BRINP1: variants seen among roughly 807,000 people sequenced by gnomAD.
BRINP1 encodes the protein BMP/retinoic acid inducible neural specific 1.
A neutral mutation model predicts 72.9 loss-of-function variants in BRINP1; 17 were observed. The observed-to-expected ratio is 0.23, with a 90% CI of 0.16 to 0.35. The LOEUF is 0.35. Ranked by LOEUF, BRINP1 falls within the 10% of genes least tolerant of loss-of-function variation. The pLI, the probability that BRINP1 is intolerant of heterozygous loss-of-function variation, is 1.00. For missense variants in BRINP1, 850 were observed against 1,001.6 expected (o/e 0.85, Z 2.04); for synonymous variants, 418 against 378.5 (o/e 1.10, Z -1.21).
chr9:119,233,263 T>C (rs2118901021), intron 5 of BRINP1, among the ~76,000 whole-genome samples: 1 of 152,228 alleles, frequency 6.6e-6, no homozygotes, highest in African/African-American at 2.4e-5. Flanking sequence ...TTCAGCCACT[T>C]ATTAAATAAC....
At chr9:119,246,944 A>G (rs1156593194) in intron 3 of BRINP1, among the ~76,000 whole-genome samples, 1 of 152,180 alleles carries the variant, frequency 6.6e-6, no homozygotes, top group East Asian at 1.9e-4. Context: ...ATATTTTAAA[A>G]TGTTGTGTTG....
intron 2 of BRINP1, among the ~76,000 whole-genome samples, chr9:119,281,771 G>C (rs539195653): frequency 6.6e-6 from 1 of 152,118 alleles, no homozygotes; most frequent in Non-Finnish European, 1.5e-5. Flanking sequence ...TATGCAACTT[G>C]CTTTATTTTT....
At chr9:119,233,982 TTTC>T (rs1356401132) in intron 5 of BRINP1, among the ~76,000 whole-genome samples, 9 of 152,228 alleles carry the variant, frequency 5.9e-5, no homozygotes, top group African/African-American at 2.2e-4. Flanking sequence ...TGGTTTATTC[TTTC>T]TTATTTCTGT....
intron 1 of BRINP1, among the ~76,000 whole-genome samples, chr9:119,337,001 C>T (rs1831352541): frequency 6.6e-6 from 1 of 151,966 alleles, no homozygotes. Flanking sequence ...GGAGAAGGGG[C>T]CAACCTCTTC....
At chr9:119,209,576 A>T (rs544122203) in intron 6 of BRINP1, among the ~76,000 whole-genome samples, 12 of 124,602 alleles carry the variant, frequency 9.6e-5, no homozygotes, top group South Asian at 2.3e-4. Context: ...CAAAAAAATT[A>T]AAAAAAAAAG....
intron 2 of BRINP1, among the ~76,000 whole-genome samples, chr9:119,262,582 G>T (rs1420260939): frequency 6.6e-6 from 1 of 150,750 alleles, no homozygotes; most frequent in Non-Finnish European, 1.5e-5. Context: ...GGAGGCAGAG[G>T]TTGCAGTGAG....
At chr9:119,190,255 G>GGA (rs1310797615) in intron 7 of BRINP1, among the ~76,000 whole-genome samples, 3 of 151,258 alleles carry the variant, frequency 2.0e-5, no homozygotes, top group Non-Finnish European at 4.4e-5. Context: ...TAAAAGAAGA[G>GGA]GAAACTAAAC....
intron 7 of BRINP1, among the ~76,000 whole-genome samples, chr9:119,204,477 C>T (rs548784758): frequency 6.6e-6 from 1 of 152,168 alleles, no homozygotes; most frequent in South Asian, 2.1e-4. Context: ...CATTTATTGA[C>T]CTTGTGTACA....
chr9:119,321,364 T>C (rs1277305778), intron 1 of BRINP1, among the ~76,000 whole-genome samples: 1 of 152,244 alleles, frequency 6.6e-6, no homozygotes, highest in African/African-American at 2.4e-5. Flanking sequence ...TGGAAGCCCC[T>C]GGTCACATGT....
intron 7 of BRINP1, among the ~76,000 whole-genome samples, chr9:119,199,449 G>A: frequency 6.6e-6 from 1 of 152,176 alleles, no homozygotes; most frequent in East Asian, 1.9e-4. Context: ...TACGGCCCCA[G>A]CATCTGAGCC....
At chr9:119,271,245 T>C (rs1830602191) in intron 2 of BRINP1, among the ~76,000 whole-genome samples, 1 of 149,560 alleles carries the variant, frequency 6.7e-6, no homozygotes, top group South Asian at 2.1e-4. Context: ...TCAAGATGAG[T>C]ACAGGGGGAA....
At position 119,167,488 on chromosome 9, in the gene BRINP1, G is replaced by C; in HGVS notation, c.1882C>G (p.Leu628Val). 1 of 1,614,146 alleles carries C rather than the reference G, an allele frequency of 6.2e-7. No individual in the cohort carries two copies. The highest frequency in any genetic ancestry group is 1.1e-5 in the South Asian group (1 of 91,068). Residue 628 changes from leucine (L) to valine (V), a missense_variant, in exon 8 of 8, where the codon CTA (leucine) becomes GTA (valine). Physicochemically the swap from Leu to Val is conservative, Grantham distance 32. Transcript: ENST00000265922. This position sits in a 1 kb window ranked among gnomAD's most constrained non-coding sequence, Gnocchi z 4.3. The part of the protein sequence containing the change: ...YLRSRTRLPT[L>V]LRNETGQGPV... Reference sequence around the variant, plus strand: ...CCCTGGCCAGTCTCATTTCGCAGTAGGGTAGGTAGCCGAGTCCGACTACGT... The same window carrying C: ...CCCTGGCCAGTCTCATTTCGCAGTACGGTAGGTAGCCGAGTCCGACTACGT...
At chr9:119,251,275 T>C (rs145766274) in intron 2 of BRINP1, among the ~76,000 whole-genome samples, 1 of 152,284 alleles carries the variant, frequency 6.6e-6, no homozygotes, top group Non-Finnish European at 1.5e-5. Flanking sequence ...ACAGTCCCTG[T>C]CCTTAAGAAG....
intron 3 of BRINP1, among the ~76,000 whole-genome samples, chr9:119,245,994 A>G (rs1830312873): frequency 3.3e-5 from 5 of 152,224 alleles, no homozygotes. Flanking sequence ...TTAAGTAACA[A>G]CAATAATAGT....
rs1453352637 is a variant in BRINP1, at chr9:119,170,320, A to G, written c.1146-2096T>C. Among the ~76,000 whole-genome samples, 5 of 152,090 alleles carry G rather than the reference A, an allele frequency of 3.3e-5. No individual in the cohort carries two copies. The East Asian group carries it at 9.7e-4, about 29-fold the overall frequency. ...TGGAGCTGAAAACCAAGGCTCGAGA[A>G]CTACGTGTAGAATGCAGAAGCCTCA... On this transcript the variant is annotated intron_variant, in intron 7 of 7. Transcript: ENST00000265922.
intron 6 of BRINP1, among the ~76,000 whole-genome samples, chr9:119,209,982 G>A (rs992708582): frequency 2.0e-5 from 3 of 152,202 alleles, no homozygotes; most frequent in Non-Finnish European, 4.4e-5. Flanking sequence ...AAAAGTTTCT[G>A]CCTCAGTTTG....
chr9:119,308,314 C>CTTTTGATTA (rs1831019456), intron 2 of BRINP1, among the ~76,000 whole-genome samples: 1 of 152,124 alleles, frequency 6.6e-6, no homozygotes, highest in South Asian at 2.1e-4. Context: ...CAAGATTATA[C>CTTTTGATTA]CTGGAATCAA....
intron 2 of BRINP1, among the ~76,000 whole-genome samples, chr9:119,286,984 T>A (rs1830767605): frequency 1.3e-5 from 2 of 152,166 alleles, no homozygotes; most frequent in African/African-American, 4.8e-5. Flanking sequence ...CGTTTGTATT[T>A]TCCAAATCAC....
intron 2 of BRINP1, among the ~76,000 whole-genome samples, chr9:119,283,967 A>C (rs530828994): frequency 5.3e-5 from 8 of 152,276 alleles, no homozygotes; most frequent in Non-Finnish European, 7.4e-5. Context: ...GCATCTGGTG[A>C]GTTTCAGAAT....
Sources: gnomAD v4.1 joint callset for allele counts (sites outside exome capture counted in the v4.1 genomes callset) on GRCh38, gnomAD v4.1.1 for gene constraint, Gnocchi (gnomAD v3.1) non-coding constraint, MANE v1.5 for transcripts, NCBI Gene and HGNC (gene_info 2026-07-23, HGNC 2026-07-21) for gene names.